MYCBP2: variants seen among roughly 807,000 people sequenced by gnomAD.
MYCBP2 encodes the protein E3 ubiquitin-protein ligase MYCBP2.
Under a neutral mutation model 525.3 loss-of-function variants are expected in MYCBP2, and 120 were observed. The observed-to-expected ratio is 0.23, with a 90% CI of 0.20 to 0.27. The LOEUF is 0.27. Among genes scored for constraint, MYCBP2 ranks in the 10% least tolerant of loss-of-function variants. The pLI, the probability that MYCBP2 is intolerant of heterozygous loss-of-function variation, is 1.00. For missense variants in MYCBP2, 4,149 were observed against 5,657.1 expected, an observed-to-expected ratio of 0.73 and a Z score of 8.55; for synonymous variants, 1,894 against 1,955.8, an observed-to-expected ratio of 0.97 and a Z score of 0.83.
At chr13:77,195,956 T>C (rs2061714223) in intron 26 of MYCBP2, among the ~76,000 whole-genome samples, 1 of 152,322 alleles carries the variant, frequency 6.6e-6, no homozygotes, top group South Asian at 2.1e-4. Flanking sequence ...TTTGAACACA[T>C]ACTGTATGCC....
rs761516109 is a variant in MYCBP2, at chr13:77,093,240, T to C, written c.10292A>G (p.Tyr3431Cys). Reference sequence around the variant, plus strand: ...ACTTGCATCAGGAGTTACTGATATATACGGGGCAGGTACAGATGTTGAACG... The same window carrying C: ...ACTTGCATCAGGAGTTACTGATATACACGGGGCAGGTACAGATGTTGAACG... Reference protein sequence around the residue: ...YLRSTSVPAPYISVTPDASPN... With the variant: ...YLRSTSVPAPCISVTPDASPN... The change falls in exon 59 of 83, where the codon TAT (tyrosine) becomes TGT (cysteine). Residue 3431 changes from tyrosine to cysteine, a missense_variant. This residue lies in a region of MYCBP2 where 509 missense variants were observed against 789.4 expected (regional missense o/e 0.64). Coordinates refer to ENST00000544440, the MANE Select transcript of MYCBP2 (RefSeq NM_015057.5). 1.2e-6 allele frequency: 2 copies of C among 1,613,334 alleles called. No homozygotes were observed. The highest frequency in any genetic ancestry group is 8.5e-7 in the Non-Finnish European group (1 of 1,179,538).
chr13:77,194,905 TAA>T (rs1373707933), intron 26 of MYCBP2, among the ~76,000 whole-genome samples: 1 of 151,642 alleles, frequency 6.6e-6, no homozygotes, highest in Non-Finnish European at 1.5e-5. Context: ...AAATGGCTCT[TAA>T]AAAAGAGGGG....
At chr13:77,241,212 G>C (rs1284114071) in intron 17 of MYCBP2, among the ~76,000 whole-genome samples, 1 of 152,018 alleles carries the variant, frequency 6.6e-6, no homozygotes, top group Non-Finnish European at 1.5e-5. Flanking sequence ...CAATCACCAA[G>C]TTATGTCAAG....
chr13:77,185,822 T>G, intron 31 of MYCBP2, 49 bp downstream of exon 31: 1 of 1,306,616 alleles, frequency 7.7e-7, no homozygotes, highest in Non-Finnish European at 1.0e-6. Context: ...ATCTTCTCAA[T>G]GTCTCTAATA....
In MYCBP2 at chr13:77,150,845, T is replaced by C. The variant is rs781510339; in HGVS notation, c.7020A>G (p.Ala2340=). The C allele has an allele frequency of 6.2e-6, 10 of 1,614,178 alleles. No homozygotes were observed. Among genetic ancestry groups the C allele is most frequent in the East Asian group, 2.2e-5 (1 of 44,872 alleles). Reference sequence around the variant, plus strand: ...CATAAGTCATGTCAGTATTAGAAGATGCAGCTGTTACTGCAGGACTGCCAG... The same window carrying C: ...CATAAGTCATGTCAGTATTAGAAGACGCAGCTGTTACTGCAGGACTGCCAG... ...RIPGSPAVTA[A]SSNTDMTYGG... The change falls in exon 47 of 83, where the codon GCA becomes GCG. Residue 2340 remains alanine (A), a synonymous_variant. Coordinates refer to ENST00000544440, the MANE Select transcript of MYCBP2 (RefSeq NM_015057.5).
intron 26 of MYCBP2, among the ~76,000 whole-genome samples, chr13:77,197,873 G>T (rs2061924937): frequency 6.6e-6 from 1 of 152,124 alleles, no homozygotes; most frequent in Non-Finnish European, 1.5e-5. Flanking sequence ...ATCATTTCCA[G>T]ACAATAGGAG....
chr13:77,262,022 G>T, intron 11 of MYCBP2, 31 bp downstream of exon 11: 1 of 1,552,366 alleles, frequency 6.4e-7, no homozygotes. Flanking sequence ...ATCAGAGAAT[G>T]CTCATTTTTA....
chr13:77,169,347 G>T (rs574951660), intron 39 of MYCBP2, among the ~76,000 whole-genome samples: 222 of 140,272 alleles, frequency 1.6e-3, no homozygotes, highest in Non-Finnish European at 2.3e-3. Context: ...AGTGAGCGGA[G>T]ATCGCGCCAC....
intron 55 of MYCBP2, among the ~76,000 whole-genome samples, chr13:77,115,094 A>C (rs1001511746): frequency 6.6e-6 from 1 of 151,930 alleles, no homozygotes; most frequent in Non-Finnish European, 1.5e-5. Flanking sequence ...AAACAATGGA[A>C]TATCATAATA....
chr13:77,140,750 T>C (rs968028163), intron 50 of MYCBP2, 96 bp downstream of exon 50: 1 of 860,632 alleles, frequency 1.2e-6, no homozygotes, highest in African/African-American at 1.7e-5. Flanking sequence ...AGTCCTGAAA[T>C]CAAGTAAAAT....
intron 34 of MYCBP2, 41 bp from the exon 35 acceptor site, chr13:77,177,995 C>T (rs1595163363): frequency 1.6e-6 from 2 of 1,236,062 alleles, no homozygotes; most frequent in Non-Finnish European, 2.4e-6. Flanking sequence ...GTTGGTATAC[C>T]TTTAACAAAA....
chr13:77,138,526 T>C (rs1265665045), intron 52 of MYCBP2, among the ~76,000 whole-genome samples: 1 of 152,204 alleles, frequency 6.6e-6, no homozygotes, highest in Non-Finnish European at 1.5e-5. Flanking sequence ...ACACATTTGA[T>C]GGTAATGAAA....
chr13:77,076,899 A>C (rs778643784), intron 67 of MYCBP2, 50 bp from the exon 68 acceptor site: 1 of 1,398,650 alleles, frequency 7.1e-7, no homozygotes, highest in East Asian at 2.3e-5. Flanking sequence ...CATTAACACT[A>C]TATTGGCCAG....
intron 7 of MYCBP2, among the ~76,000 whole-genome samples, chr13:77,269,764 G>A (rs1442763091): frequency 6.6e-6 from 1 of 152,108 alleles, no homozygotes; most frequent in East Asian, 1.9e-4. Flanking sequence ...AGTTAACTGA[G>A]TTGTCCAGTC....
chr13:77,122,689 CA>C (rs771487864), intron 54 of MYCBP2, among the ~76,000 whole-genome samples: 1,038 of 52,382 alleles, frequency 0.02, 10 homozygotes, highest in African/African-American at 0.051. Flanking sequence ...GACTCCATCT[CA>C]AAAAAAAAAA....
At chr13:77,171,656 G>T in intron 37 of MYCBP2, 22 bp from the exon 38 acceptor site, 1 of 1,611,064 alleles carries the variant, frequency 6.2e-7, no homozygotes, top group Non-Finnish European at 8.5e-7. Context: ...GCAAACATGA[G>T]ATTATTTTAC....
At chr13:77,241,293 C>CT (rs1195294405) in intron 17 of MYCBP2, among the ~76,000 whole-genome samples, 2 of 151,972 alleles carry the variant, frequency 1.3e-5, no homozygotes, top group African/African-American at 4.8e-5. Flanking sequence ...AGAAGAATAG[C>CT]TTTTTTAGAG....
chr13:77,119,075 T>C (rs1305421509), intron 55 of MYCBP2, among the ~76,000 whole-genome samples: 1 of 152,228 alleles, frequency 6.6e-6, no homozygotes, highest in African/African-American at 2.4e-5. Flanking sequence ...AAGCATGAAA[T>C]ATTTTGCTTA....
intron 52 of MYCBP2, chr13:77,129,302 G>A (rs1594776084): frequency 1.0e-5 from 4 of 394,570 alleles, no homozygotes; most frequent in South Asian, 1.3e-4. Context: ...CAGAAGATGC[G>A]TGCACAGTAA....
Sources: allele counts gnomAD v4.1 joint callset (sites outside exome capture counted in the v4.1 genomes callset), GRCh38; gene constraint gnomAD v4.1.1; regional missense constraint gnomAD v4.1.1; transcripts MANE v1.5; gene names NCBI Gene and HGNC (gene_info 2026-07-23, HGNC 2026-07-21).